The following FLI1 variants were observed in gnomAD, a reference collection of about 807,000 sequenced individuals.
The protein encoded by FLI1 is Friend leukemia integration 1 transcription factor.
FLI1 carries 13 observed loss-of-function variants against 53.1 expected under a neutral mutation model. The observed-to-expected ratio is 0.24, with a 90% CI of 0.16 to 0.39. The LOEUF (loss-of-function observed/expected upper bound fraction) is 0.39, where lower values mean the gene tolerates loss of function less well. Among genes scored for constraint, FLI1 ranks in the 10% least tolerant of loss-of-function variants. FLI1 has a pLI of 1.00. For missense variants in FLI1, 424 were observed against 600.5 expected (o/e 0.71, Z 3.07); for synonymous variants, 244 against 236.7 (o/e 1.03, Z -0.28).
At chr11:128,763,255 A>G (rs1941196266) in intron 2 of FLI1, among the ~76,000 whole-genome samples, 1 of 152,214 alleles carries the variant, frequency 6.6e-6, no homozygotes, top group African/African-American at 2.4e-5. Flanking sequence ...CTGAGGTCTG[A>G]GGATCTCAGA....
At chr11:128,756,896 CGTT>C (rs34925375) in intron 1 of FLI1, among the ~76,000 whole-genome samples, 3 of 151,948 alleles carry the variant, frequency 2.0e-5, no homozygotes, top group Non-Finnish European at 1.5e-5. Context: ...TTTTAGTTGT[CGTT>C]GTTGTTGTTG....
At chr11:128,723,859 G>A (rs904795225) in intron 1 of FLI1, among the ~76,000 whole-genome samples, 1 of 151,466 alleles carries the variant, frequency 6.6e-6, no homozygotes, top group African/African-American at 2.4e-5. Flanking sequence ...CCAACCACAG[G>A]AGCAACCAGC....
chr11:128,784,441 T>C (rs1224107646), intron 5 of FLI1, among the ~76,000 whole-genome samples: 7 of 152,198 alleles, frequency 4.6e-5, no homozygotes, highest in Non-Finnish European at 1.0e-4. Context: ...TTAACTGTAG[T>C]ATCCAGGCAA....
At chr11:128,697,371 CG>C (rs966471864) in intron 1 of FLI1, among the ~76,000 whole-genome samples, 1 of 152,152 alleles carries the variant, frequency 6.6e-6, no homozygotes, top group Non-Finnish European at 1.5e-5. Context: ...TCAGAAAGCC[CG>C]GGTTCATTCT....
chr11:128,788,229 G>A (rs1942158987), intron 5 of FLI1, among the ~76,000 whole-genome samples: 1 of 152,084 alleles, frequency 6.6e-6, no homozygotes, highest in African/African-American at 2.4e-5. Context: ...CTGCACTTTG[G>A]GAGGCCAAGG....
At chr11:128,798,853 G>A (rs1942528006) in intron 5 of FLI1, among the ~76,000 whole-genome samples, 1 of 152,102 alleles carries the variant, frequency 6.6e-6, no homozygotes, top group Admixed American at 6.5e-5. Flanking sequence ...TCTGGCACCT[G>A]ACAGTGGGGG....
chr11:128,779,849 A>G (rs910402635), intron 4 of FLI1, among the ~76,000 whole-genome samples: 19 of 152,230 alleles, frequency 1.2e-4, no homozygotes, highest in African/African-American at 4.3e-4. Flanking sequence ...ACTTACACAA[A>G]CCCACATAGC....
At chr11:128,793,043 G>A (rs914197695) in intron 5 of FLI1, among the ~76,000 whole-genome samples, 4 of 152,006 alleles carry the variant, frequency 2.6e-5, no homozygotes, top group Admixed American at 6.6e-5. Context: ...GCTCGAGCCC[G>A]GGAGATCGAG....
upstream of FLI1, among the ~76,000 whole-genome samples, chr11:128,690,210 G>T (rs1221048177): frequency 6.6e-6 from 1 of 152,062 alleles, no homozygotes; most frequent in East Asian, 1.9e-4. Flanking sequence ...GAGTTTTGGC[G>T]CTTGCCCGCC....
chr11:128,719,757 C>A (rs779261238), intron 1 of FLI1, among the ~76,000 whole-genome samples: 1 of 152,038 alleles, frequency 6.6e-6, no homozygotes, highest in African/African-American at 2.4e-5. Context: ...ATGGAGTCAC[C>A]GGCTGAAATG....
Position 128,810,192 on chromosome 11 carries a change from G to A in FLI1, c.830-267G>A, listed in dbSNP as rs1942902219. Among the ~76,000 whole-genome samples the A allele has an allele frequency of 6.6e-6, 1 of 152,042 alleles. No homozygotes were observed. Among genetic ancestry groups the A allele is most frequent in the Admixed American group, 6.6e-5 (1 of 15,258 alleles). On this transcript the variant is annotated intron_variant, in intron 8 of 8. Transcript: ENST00000527786. The surrounding 1 kb of genome is among the most constrained non-coding windows in gnomAD (Gnocchi z 6.6). ...GATCACACAGCTAGTTCTGGGCAGA[G>A]TTTGCACCTCACTTCCCACATTCCA...
At chr11:128,706,559 G>A (rs1938554599) in intron 1 of FLI1, among the ~76,000 whole-genome samples, 1 of 152,164 alleles carries the variant, frequency 6.6e-6, no homozygotes, top group African/African-American at 2.4e-5. Context: ...TCAAGATGTA[G>A]TGTGTCAAAA....
intron 6 of FLI1, chr11:128,805,779 G>A (rs774129803): frequency 1.3e-4 from 27 of 207,980 alleles, no homozygotes; most frequent in Non-Finnish European, 2.2e-4. Context: ...TTTTGCTCCC[G>A]TAACTGTTGA....
chr11:128,743,473 G>C (rs1244523792), intron 1 of FLI1, among the ~76,000 whole-genome samples: 2 of 151,894 alleles, frequency 1.3e-5, no homozygotes, highest in Non-Finnish European at 2.9e-5. Context: ...TGAGGAAAAT[G>C]GAACTGAACG....
At chr11:128,775,927 C>G (rs1214213325) in intron 4 of FLI1, among the ~76,000 whole-genome samples, 5 of 152,170 alleles carry the variant, frequency 3.3e-5, no homozygotes, top group Non-Finnish European at 5.9e-5. Context: ...GGACCTGAGA[C>G]TGTGGCTGGT....
chr11:128,727,514 C>G (rs1419990789), intron 1 of FLI1, among the ~76,000 whole-genome samples: 1 of 152,150 alleles, frequency 6.6e-6, no homozygotes, highest in Non-Finnish European at 1.5e-5. Context: ...TGGACAGAGC[C>G]CAAGGGCCAG....
intron 1 of FLI1, among the ~76,000 whole-genome samples, chr11:128,735,396 A>C (rs529308331): frequency 9.8e-5 from 15 of 152,340 alleles, no homozygotes; most frequent in Non-Finnish European, 2.1e-4. Context: ...AGAAGTAATC[A>C]TGGTTATCGC....
chr11:128,791,619 C>A (rs1200277670), intron 5 of FLI1, among the ~76,000 whole-genome samples: 1 of 152,234 alleles, frequency 6.6e-6, no homozygotes, highest in Non-Finnish European at 1.5e-5. Flanking sequence ...TGGTGTAGAA[C>A]TAACCCTTTG....
At chr11:128,711,460 T>C (rs1009656745) in intron 1 of FLI1, among the ~76,000 whole-genome samples, 2 of 152,272 alleles carry the variant, frequency 1.3e-5, no homozygotes, top group Non-Finnish European at 2.9e-5. Context: ...GTCTCCTGGC[T>C]TCATCATCAA....
Sources: gnomAD v4.1 joint callset for allele counts (sites outside exome capture counted in the v4.1 genomes callset) on GRCh38, gnomAD v4.1.1 for gene constraint, Gnocchi (gnomAD v3.1) non-coding constraint, MANE v1.5 for transcripts, NCBI Gene and HGNC (gene_info 2026-07-23, HGNC 2026-07-21) for gene names.